The following PRR27 variants were observed in gnomAD, a reference collection of about 807,000 sequenced individuals.
The protein encoded by PRR27 is proline rich 27.
Under a neutral mutation model 16.8 loss-of-function variants are expected in PRR27, and 12 were observed. The ratio of observed to expected loss-of-function variants is 0.71; its 90% confidence interval spans 0.46 to 1.16. PRR27 has a LOEUF of 1.16. Ranked by LOEUF, PRR27 falls within the 50% of genes most tolerant of loss-of-function variation. PRR27 has a pLI of 0.00. For synonymous variants in PRR27, 100 were observed against 98.4 expected (o/e 1.02, Z -0.10); for missense variants, 277 against 273.3 (o/e 1.01, Z -0.10).
chr4:70,154,777 G>A (rs1165646159), intron 1 of PRR27: 3 of 1,313,500 alleles, frequency 2.3e-6, no homozygotes, highest in South Asian at 2.5e-5. Context: ...TGGCTGTGAA[G>A]TGCCATTGCT....
In PRR27 at chr4:70,158,488, T is replaced by C. The variant is rs527542020; in HGVS notation, c.236T>C (p.Leu79Pro). Reference protein sequence around the residue: ...DTGLPSYPWILTSPGFPYVYH... With the variant: ...DTGLPSYPWIPTSPGFPYVYH... ...GGGTTACCTTCGTATCCCTGGATTC[T>C]AACTTCTCCTGGATTCCCCTATGTC... The change falls in exon 3 of 5, where the codon CTA (leucine) becomes CCA (proline). Residue 79 changes from leucine (L) to proline (P), a missense_variant. Transcript: ENST00000344526. 5 of 1,614,188 alleles carry C rather than the reference T, an allele frequency of 3.1e-6. No individual in the cohort carries two copies. In the South Asian group the frequency reaches 5.5e-5, roughly 18 times the overall value.
intron 1 of PRR27, 150 bp downstream of exon 1, chr4:70,154,576 T>A: frequency 1.2e-6 from 1 of 869,054 alleles, no homozygotes; most frequent in South Asian, 1.5e-5. Context: ...GTCAGACTTT[T>A]CAACGGAAAA....
intron 1 of PRR27, chr4:70,154,764 C>T (rs1728438496): frequency 7.6e-7 from 1 of 1,323,502 alleles, no homozygotes; most frequent in Admixed American, 2.2e-5. Context: ...ATTGGGCTTC[C>T]TATGGCTGTG....
Position 70,164,389 on chromosome 4 carries a change from A to T in PRR27, c.*1728A>T, listed in dbSNP as rs142660201. 2 of 152,164 alleles carry T rather than the reference A, an allele frequency of 1.3e-5. No homozygotes were observed. The highest frequency in any genetic ancestry group is 4.8e-5 in the African/African-American group (2 of 41,442). The allele number at this position is 152,164 out of a possible 1,614,324, so 9.4% of individuals were successfully genotyped here. On this transcript the variant is annotated 3_prime_UTR_variant, in exon 5 of 5. Coordinates refer to ENST00000344526, the MANE Select transcript of PRR27 (RefSeq NM_214711.4). ...TTGAAATAATTTTGTATTTTTCCCT[A>T]TATCCTACATTGGATCAGAATATTA... is the stretch of plus-strand genomic sequence containing the variant.
chr4:70,158,218 G>A (rs946070971), intron 2 of PRR27, 110 bp from the exon 3 acceptor site: 1 of 729,658 alleles, frequency 1.4e-6, no homozygotes, highest in African/African-American at 1.8e-5. Context: ...ATAAGACATT[G>A]GAATTCTTTC....
intron 2 of PRR27, among the ~76,000 whole-genome samples, chr4:70,158,069 T>C (rs150198931): frequency 4.6e-5 from 7 of 152,280 alleles, no homozygotes; most frequent in African/African-American, 1.7e-4. Context: ...CTGGCCTAGG[T>C]TAGCATATTC....
intron 3 of PRR27, among the ~76,000 whole-genome samples, chr4:70,160,254 T>C (rs917271000): frequency 6.6e-6 from 1 of 152,132 alleles, no homozygotes; most frequent in East Asian, 1.9e-4. Flanking sequence ...GTGTGCTCAA[T>C]GCTTAGCTCC....
chr4:70,161,566 T>C lies in PRR27; in HGVS notation c.649-20T>C. 1 of 1,451,730 alleles carries C rather than the reference T, an allele frequency of 6.9e-7. No individual in the cohort carries two copies. Among genetic ancestry groups the C allele is most frequent in the Non-Finnish European group, 9.6e-7 (1 of 1,045,272 alleles). 89.9% of individuals were successfully genotyped at this position (1,451,730 alleles called of 1,614,324 possible). On this transcript the variant is annotated intron_variant, in intron 3 of 4. Coordinates refer to ENST00000344526, the MANE Select transcript of PRR27 (RefSeq NM_214711.4). Reference sequence around the variant, plus strand: ...ACATTTGATTGTTTATGAAAAGATCTTTTTTTTAATGTTTTCTAGGCAAAT... The same window carrying C: ...ACATTTGATTGTTTATGAAAAGATCCTTTTTTTAATGTTTTCTAGGCAAAT...
chr4:70,160,213 C>T (rs1728609307), intron 3 of PRR27, among the ~76,000 whole-genome samples: 3 of 152,080 alleles, frequency 2.0e-5, no homozygotes, highest in African/African-American at 7.2e-5. Context: ...TAGTAGGCCA[C>T]AGTGTTCCTT....
intron 3 of PRR27, among the ~76,000 whole-genome samples, chr4:70,160,484 C>T (rs1006960640): frequency 3.6e-5 from 2 of 55,164 alleles, no homozygotes; most frequent in African/African-American, 9.7e-5. Flanking sequence ...TTTTCCCTTG[C>T]ACCAAGCCAT....
chr4:70,161,557 G>GAA (rs749542911), intron 3 of PRR27, 29 bp from the exon 4 acceptor site: 56 of 1,421,214 alleles, frequency 3.9e-5, no homozygotes, highest in Middle Eastern at 3.6e-4. Flanking sequence ...GATTGTTTAT[G>GAA]AAAAGATCTT....
rs745451457 is a variant in PRR27, at chr4:70,158,737, C to A, written c.485C>A (p.Ala162Glu). 4 of 1,578,414 alleles carry A rather than the reference C, an allele frequency of 2.5e-6. No individual in the cohort carries two copies. The highest frequency in any genetic ancestry group is 2.6e-6 in the Non-Finnish European group (3 of 1,153,122). ...APVAAEPAAE[A>E]PVGAEPAAEA... Reference sequence around the variant, plus strand: ...GTTGCAGCTGAGCCTGCTGCAGAGGCACCTGTTGGAGCTGAGCCTGCTGCA... The same window carrying A: ...GTTGCAGCTGAGCCTGCTGCAGAGGAACCTGTTGGAGCTGAGCCTGCTGCA... Residue 162 changes from alanine to glutamate, a missense_variant, in exon 3 of 5, where the codon GCA (alanine) becomes GAA (glutamate). Transcript: ENST00000344526.
At chr4:70,158,241 C>T in intron 2 of PRR27, 87 bp from the exon 3 acceptor site, 3 of 824,880 alleles carry the variant, frequency 3.6e-6, no homozygotes, top group South Asian at 3.6e-5. Flanking sequence ...AATATCATTA[C>T]TTATCATATA....
intron 3 of PRR27, among the ~76,000 whole-genome samples, chr4:70,160,005 G>T (rs1246593593): frequency 6.7e-6 from 1 of 149,098 alleles, no homozygotes; most frequent in East Asian, 2.0e-4. Flanking sequence ...AATACTCATT[G>T]AAATGTGAGC....
chr4:70,163,970 T>C lies in PRR27; in HGVS notation c.*1309T>C, dbSNP rs1728705385. ...CTGATGTATGAATGACTAACTGCTTTTCTACTTCGGGGGTCTCATATAGAA... is the reference window on the plus strand; with the variant it reads ...CTGATGTATGAATGACTAACTGCTTCTCTACTTCGGGGGTCTCATATAGAA... On this transcript the variant is annotated 3_prime_UTR_variant, in exon 5 of 5. Coordinates refer to ENST00000344526, the MANE Select transcript of PRR27 (RefSeq NM_214711.4). 1 of 152,056 alleles carries C rather than the reference T, an allele frequency of 6.6e-6. No individual in the cohort carries two copies. Among genetic ancestry groups the C allele is most frequent in the Admixed American group, 6.6e-5 (1 of 15,260 alleles). 9.4% of individuals were successfully genotyped at this position (152,056 alleles called of 1,614,324 possible).
rs1401263446 is a variant in PRR27, at chr4:70,166,196, A to T, written c.*3535A>T. ...AATTGATGTTTGCCATGAAAGATCA[A>T]ATATATCACATTTTATTTGACTAAA... On this transcript the variant is annotated 3_prime_UTR_variant, in exon 5 of 5. Coordinates refer to ENST00000344526, the MANE Select transcript of PRR27 (RefSeq NM_214711.4). 1 of 152,092 alleles carries T rather than the reference A, an allele frequency of 6.6e-6. No homozygotes were observed. The highest frequency in any genetic ancestry group is 2.4e-5 in the African/African-American group (1 of 41,458). The allele number at this position is 152,092 out of a possible 1,614,324, so 9.4% of individuals were successfully genotyped here. A position where few individuals can be genotyped will look rare whatever the true frequency, so the allele number is the denominator to read the frequency against.
intron 2 of PRR27, among the ~76,000 whole-genome samples, chr4:70,157,722 T>C (rs984502452): frequency 6.6e-6 from 1 of 152,076 alleles, no homozygotes; most frequent in Non-Finnish European, 1.5e-5. Flanking sequence ...AGTTTCACCA[T>C]GTTGGCCAGG....
In PRR27 at chr4:70,158,841, G is replaced by C; in HGVS notation, c.589G>C (p.Glu197Gln). ...EPAAEEPSPA[E>Q]PATAKPAAPE... ...AGCTGCAGAGGAACCTTCACCAGCT[G>C]AGCCTGCTACAGCCAAGCCTGCTGC... Residue 197 changes from glutamate to glutamine, a missense_variant, in exon 3 of 5, where the codon GAG (glutamate) becomes CAG (glutamine). Coordinates refer to ENST00000344526, the MANE Select transcript of PRR27 (RefSeq NM_214711.4). The C allele has an allele frequency of 1.2e-6, 2 of 1,613,990 alleles. No homozygotes were observed. The highest frequency in any genetic ancestry group is 2.7e-5 in the African/African-American group (2 of 74,964).
At chr4:70,154,845 C>G (rs1163493541) in intron 1 of PRR27, 1 of 1,038,544 alleles carries the variant, frequency 9.6e-7, no homozygotes, top group Non-Finnish European at 1.3e-6. Flanking sequence ...AAATGCACAT[C>G]ATACCTTTAG....
Sources: allele counts gnomAD v4.1 joint callset (sites outside exome capture counted in the v4.1 genomes callset), GRCh38; gene constraint gnomAD v4.1.1; transcripts MANE v1.5; gene names NCBI Gene and HGNC (gene_info 2026-07-23, HGNC 2026-07-21).